Variants in NSD1 observed in about 807,000 individuals in gnomAD.
NSD1 encodes nuclear receptor binding SET domain protein 1, also known as histone-lysine N-methyltransferase, H3 lysine-36 specific.
Under a neutral mutation model 242.7 loss-of-function variants are expected in NSD1, and 26 were observed. The ratio of observed to expected loss-of-function variants is 0.11; its 90% confidence interval spans 0.08 to 0.15. NSD1 has a LOEUF of 0.15. NSD1 is among the 10% of genes least tolerant of loss of function. NSD1 has a pLI of 1.00. For synonymous variants in NSD1, 1,106 were observed against 1,178.1 expected (o/e 0.94, Z 1.25); for missense variants, 2,495 against 3,272.8 (o/e 0.76, Z 5.80).
chr5:177,153,061 C>G (rs1757854881), intron 2 of NSD1, among the ~76,000 whole-genome samples: 1 of 152,042 alleles, frequency 6.6e-6, no homozygotes, highest in Non-Finnish European at 1.5e-5. Flanking sequence ...GCTTTTCTAA[C>G]AGAGCTTTGG....
Position 177,219,857 on chromosome 5 carries a change from G to A in NSD1, c.3796+7662G>A, listed in dbSNP as rs553121674. On this transcript the variant is annotated intron_variant, in intron 5 of 22. Transcript: ENST00000439151. The stretch of plus-strand genomic sequence containing the variant: ...CATGCCTGTAGTCCCAGCTACTCAG[G>A]AGGCTGAGGCACGAGAACTGCTTGA... 7.2e-5 allele frequency among the ~76,000 whole-genome samples: 11 copies of A among 152,198 alleles called. No individual in the cohort carries two copies. The South Asian group carries it at 2.3e-3, about 32-fold the overall frequency.
chr5:177,266,143 C>G, intron 14 of NSD1: 3 of 1,103,204 alleles, frequency 2.7e-6, no homozygotes, highest in Non-Finnish European at 4.2e-6. Flanking sequence ...GCGCCAGCCA[C>G]TTGTCCGGGC....
At position 177,134,230 on chromosome 5, in the gene NSD1, C is replaced by G. The variant is rs1756106283; in HGVS notation, c.-18+278C>G. The G allele has an allele frequency of 6.6e-6, 1 of 151,796 alleles. No homozygotes were observed. The highest frequency in any genetic ancestry group is 2.1e-4 in the South Asian group (1 of 4,820). The allele number at this position is 151,796 out of a possible 1,614,324, so 9.4% of individuals were successfully genotyped here. On this transcript the variant is annotated intron_variant, in intron 1 of 22. Coordinates refer to ENST00000439151, the MANE Select transcript of NSD1 (RefSeq NM_022455.5). This position sits in a 1 kb window ranked among gnomAD's most constrained non-coding sequence, Gnocchi z 4.2. ...GCCGGCCGCCTGCGAACACCTCGGC[C>G]TCCGCCTCCCCTCAGGTAGCAGGCT...
intron 5 of NSD1, among the ~76,000 whole-genome samples, chr5:177,222,891 T>G (rs1365896082): frequency 6.6e-6 from 1 of 152,130 alleles, no homozygotes; most frequent in African/African-American, 2.4e-5. Context: ...TACATTCTGT[T>G]TGTTTGCTAT....
chr5:177,138,090 C>CA (rs139439683), intron 2 of NSD1, among the ~76,000 whole-genome samples: 2 of 144,114 alleles, frequency 1.4e-5, no homozygotes, highest in Non-Finnish European at 3.0e-5. Context: ...AAAAAAACAA[C>CA]AAAAAAACAA....
At chr5:177,235,703 C>A in intron 5 of NSD1, 118 bp from the exon 6 acceptor site, 1 of 1,310,462 alleles carries the variant, frequency 7.6e-7, no homozygotes, top group Non-Finnish European at 1.1e-6. Context: ...AAGCCATAGT[C>A]TATTTTACTA....
At position 177,212,029 on chromosome 5, in the gene NSD1, A is replaced by G; in HGVS notation, c.3630A>G (p.Ser1210=). 4 of 1,614,182 alleles carry G rather than the reference A, an allele frequency of 2.5e-6. No homozygotes were observed. Among genetic ancestry groups the G allele is most frequent in the Non-Finnish European group, 3.4e-6 (4 of 1,180,032 alleles). The part of the protein sequence containing the change: ...RDEFPEHRTP[S]ASILEEPLTE... ...AGTTTCCAGAGCATAGAACTCCTTC[A>G]GCAAGCATACTTGAGGAACCACTGA... The change falls in exon 5 of 23, where the codon TCA becomes TCG. Residue 1210 remains serine, a synonymous_variant. Transcript: ENST00000439151.
Position 177,190,966 on chromosome 5 carries a change from C to CT in NSD1, c.928-904dup, listed in dbSNP as rs70991598. ...ACAGGCATGAGCCACTGCACCCAGC[C>CT]TTTTTTTTTTTTTTCTTTTTTTTTT... On this transcript the variant is annotated intron_variant, in intron 2 of 22. Transcript: ENST00000439151. Among the ~76,000 whole-genome samples the CT allele has an allele frequency of 9.9e-3, 1,258 of 127,260 alleles. 13 individuals carry two copies. Among genetic ancestry groups the CT allele is most frequent in the African/African-American group, 0.013 (407 of 32,328 alleles). 83.5% of individuals were successfully genotyped at this position (127,260 alleles called of 152,430 possible). A position where few individuals can be genotyped will look rare whatever the true frequency, so the allele number is the denominator to read the frequency against.
At chr5:177,264,264 A>G (rs1022582688) in intron 14 of NSD1, among the ~76,000 whole-genome samples, 1 of 152,064 alleles carries the variant, frequency 6.6e-6, no homozygotes, top group African/African-American at 2.4e-5. Context: ...ATGATGTTAA[A>G]AACTTTGCAT....
intron 5 of NSD1, among the ~76,000 whole-genome samples, chr5:177,218,756 A>G (rs1763997143): frequency 6.6e-6 from 1 of 151,116 alleles, no homozygotes; most frequent in South Asian, 2.1e-4. Flanking sequence ...ATTTTTTAGT[A>G]GACAGGGTTT....
intron 5 of NSD1, among the ~76,000 whole-genome samples, chr5:177,229,120 T>C (rs1459114873): frequency 6.6e-6 from 1 of 152,244 alleles, no homozygotes; most frequent in African/African-American, 2.4e-5. Flanking sequence ...TGTCCCCTTT[T>C]TTGCTAAATA....
chr5:177,188,929 G>A (rs1386538504), intron 2 of NSD1, among the ~76,000 whole-genome samples: 3 of 152,070 alleles, frequency 2.0e-5, no homozygotes, highest in Admixed American at 6.6e-5. Context: ...GCATGTTGGT[G>A]AGCATTGGAA....
chr5:177,225,399 T>A (rs2149870783), intron 5 of NSD1, among the ~76,000 whole-genome samples: 1 of 152,282 alleles, frequency 6.6e-6, no homozygotes, highest in South Asian at 2.1e-4. Context: ...TGTCTGAGCC[T>A]CCCAAAGTGC....
At chr5:177,139,819 T>C (rs1351825868) in intron 2 of NSD1, among the ~76,000 whole-genome samples, 1 of 151,910 alleles carries the variant, frequency 6.6e-6, no homozygotes, top group East Asian at 1.9e-4. Context: ...GGTATGCCTG[T>C]AGTCCCAGCT....
intron 2 of NSD1, among the ~76,000 whole-genome samples, chr5:177,185,150 A>G (rs1005030398): frequency 6.6e-6 from 1 of 152,056 alleles, no homozygotes; most frequent in African/African-American, 2.4e-5. Context: ...GTTGTGTATC[A>G]CTATAGATTC....
intron 2 of NSD1, among the ~76,000 whole-genome samples, chr5:177,158,151 A>G (rs1758288422): frequency 6.6e-6 from 1 of 152,028 alleles, no homozygotes; most frequent in Non-Finnish European, 1.5e-5. Flanking sequence ...GGGTCATTCT[A>G]TGTTTAGCAT....
rs1473162990 is a variant in NSD1 at position 177,205,697 on chromosome 5, A to G, written c.1236+1405A>G. On this transcript the variant is annotated intron_variant, in intron 4 of 22. Coordinates refer to ENST00000439151, the MANE Select transcript of NSD1 (RefSeq NM_022455.5). Reference sequence around the variant, plus strand: ...GTAATTCCCCATTTGTCCTTCTCCCATCACTGTCACCACCATTCTACTGTT... The same window carrying G: ...GTAATTCCCCATTTGTCCTTCTCCCGTCACTGTCACCACCATTCTACTGTT... Among the ~76,000 whole-genome samples, 8 of 152,126 alleles carry G rather than the reference A, an allele frequency of 5.3e-5. No homozygotes were observed. In the East Asian group the frequency reaches 1.5e-3, roughly 29 times the overall value.
intron 2 of NSD1, among the ~76,000 whole-genome samples, chr5:177,181,189 TACGAGA>T (rs1393786119): frequency 1.3e-5 from 2 of 151,436 alleles, no homozygotes; most frequent in Non-Finnish European, 2.9e-5. Flanking sequence ...GCCACCAAAG[TACGAGA>T]ATCACTTGAA....
intron 3 of NSD1, 151 bp downstream of exon 3, chr5:177,192,170 C>A (rs1761742033): frequency 3.0e-6 from 2 of 667,806 alleles, no homozygotes; most frequent in Non-Finnish European, 4.7e-6. Context: ...TTTAAAAGTT[C>A]GTTTTACTCT....
Sources: allele counts gnomAD v4.1 joint callset (sites outside exome capture counted in the v4.1 genomes callset), GRCh38; gene constraint gnomAD v4.1.1; non-coding constraint Gnocchi (gnomAD v3.1); transcripts MANE v1.5; gene names NCBI Gene and HGNC (gene_info 2026-07-23, HGNC 2026-07-21).